Variants in FUT9 observed in about 807,000 individuals in gnomAD.
The protein encoded by FUT9 is fucosyltransferase 9, also known as 4-galactosyl-N-acetylglucosaminide 3-alpha-L-fucosyltransferase 9.
Under a neutral mutation model 29.7 loss-of-function variants are expected in FUT9, and 15 were observed. The ratio of observed to expected loss-of-function variants is 0.51; its 90% CI spans 0.34 to 0.78. FUT9 has a LOEUF of 0.78. FUT9 is among the 30% of genes least tolerant of loss of function. The pLI is 0.01. For synonymous variants in FUT9, 169 were observed against 153.7 expected (o/e 1.10, Z -0.74); for missense variants, 319 against 425.4 (o/e 0.75, Z 2.20).
intron 1 of FUT9, among the ~76,000 whole-genome samples, chr6:96,069,039 G>T (rs1001537500): frequency 6.6e-6 from 1 of 152,096 alleles, no homozygotes; most frequent in African/African-American, 2.4e-5. Flanking sequence ...ATCATTGACC[G>T]GGCGCAGTGG....
At chr6:96,096,709 T>TGTGTGTGTGTGTGTGTGTGTGTG (rs1771502263) in intron 1 of FUT9, among the ~76,000 whole-genome samples, 1 of 151,824 alleles carries the variant, frequency 6.6e-6, no homozygotes, top group Admixed American at 6.6e-5. Flanking sequence ...TGTGTGTGTC[T>TGTGTGTGTGTGTGTGTGTGTGTG]TATTCTTTCA....
intron 2 of FUT9, among the ~76,000 whole-genome samples, chr6:96,116,881 A>G (rs1166661311): frequency 6.6e-6 from 1 of 152,120 alleles, no homozygotes; most frequent in Non-Finnish European, 1.5e-5. Context: ...GTGCTGAAAA[A>G]ATTACTGTGC....
chr6:96,127,031 GT>G (rs1190951807), intron 2 of FUT9, among the ~76,000 whole-genome samples: 3 of 152,024 alleles, frequency 2.0e-5, no homozygotes, highest in Admixed American at 2.0e-4. Flanking sequence ...AAAAACTACT[GT>G]TTTTTTAAAC....
At chr6:96,138,978 T>A (rs1772410926) in intron 2 of FUT9, among the ~76,000 whole-genome samples, 2 of 152,084 alleles carry the variant, frequency 1.3e-5, no homozygotes, top group Admixed American at 6.5e-5. Flanking sequence ...ATACAGATAA[T>A]GCAAATCTCA....
chr6:96,194,253 A>G (rs1337781278), intron 2 of FUT9, among the ~76,000 whole-genome samples: 1 of 152,158 alleles, frequency 6.6e-6, no homozygotes, highest in African/African-American at 2.4e-5. Flanking sequence ...GGGCTCGCCA[A>G]AGCATGTTGC....
chr6:96,157,668 T>A (rs1013036268), intron 2 of FUT9, among the ~76,000 whole-genome samples: 4 of 152,150 alleles, frequency 2.6e-5, no homozygotes, highest in Non-Finnish European at 5.9e-5. Flanking sequence ...TAAAACTAAT[T>A]CAGTTAATGA....
rs1013858503 is a variant in FUT9, at chr6:96,203,266, C to A, written c.111C>A (p.Ile37=). Residue 37 remains isoleucine, a synonymous_variant, in exon 3 of 3, where the codon ATC becomes ATA. Transcript: ENST00000302103. Reference sequence around the variant, plus strand: ...ACATCAAACCTACCAACAGCTGGATCTTCAGTCCAATGGAATCAGCCAGCT... The same window carrying A: ...ACATCAAACCTACCAACAGCTGGATATTCAGTCCAATGGAATCAGCCAGCT... ...LIYIKPTNSW[I]FSPMESASSV... The A allele has an allele frequency of 6.2e-7, 1 of 1,613,888 alleles. No homozygotes were observed. Among genetic ancestry groups the A allele is most frequent in the East Asian group, 2.2e-5 (1 of 44,866 alleles).
At chr6:96,080,280 T>A (rs891952315) in intron 1 of FUT9, among the ~76,000 whole-genome samples, 2 of 151,968 alleles carry the variant, frequency 1.3e-5, no homozygotes, top group South Asian at 4.1e-4. Context: ...TGTAAGAGGA[T>A]ATAAAAGTGT....
intron 2 of FUT9, among the ~76,000 whole-genome samples, chr6:96,188,105 G>A (rs1466486923): frequency 6.6e-6 from 1 of 152,120 alleles, no homozygotes; most frequent in Non-Finnish European, 1.5e-5. Context: ...CTTCCAGAAA[G>A]AGAACAGACA....
At chr6:96,115,820 G>T (rs982017239) in intron 2 of FUT9, among the ~76,000 whole-genome samples, 5 of 152,134 alleles carry the variant, frequency 3.3e-5, no homozygotes, top group African/African-American at 4.8e-5. Flanking sequence ...TTATAGAGAA[G>T]AAAATATACC....
At chr6:96,147,715 T>C (rs976833469) in intron 2 of FUT9, among the ~76,000 whole-genome samples, 1 of 151,738 alleles carries the variant, frequency 6.6e-6, no homozygotes, top group Non-Finnish European at 1.5e-5. Flanking sequence ...TCTGTGCTAA[T>C]TGAATGATGA....
At chr6:96,146,945 T>C (rs559750202) in intron 2 of FUT9, among the ~76,000 whole-genome samples, 2 of 152,166 alleles carry the variant, frequency 1.3e-5, no homozygotes, top group Admixed American at 1.3e-4. Flanking sequence ...TTTAGCTCCT[T>C]TATTATATCA....
chr6:96,093,735 A>C (rs935114764), intron 1 of FUT9, among the ~76,000 whole-genome samples: 1 of 152,140 alleles, frequency 6.6e-6, no homozygotes, highest in Non-Finnish European at 1.5e-5. Context: ...CCACATACAC[A>C]CACAAAATGA....
intron 2 of FUT9, among the ~76,000 whole-genome samples, chr6:96,184,553 T>G (rs188528777): frequency 6.6e-6 from 1 of 152,106 alleles, no homozygotes; most frequent in African/African-American, 2.4e-5. Context: ...AGATTTACTG[T>G]TTGTGCTCTT....
chr6:96,113,534 C>T (rs1013019247), intron 1 of FUT9, among the ~76,000 whole-genome samples: 22 of 151,556 alleles, frequency 1.5e-4, no homozygotes, highest in Admixed American at 3.9e-4. Context: ...ACATTGCGCC[C>T]GACCATCAAT....
intron 2 of FUT9, among the ~76,000 whole-genome samples, chr6:96,134,005 G>A (rs1772300386): frequency 6.6e-6 from 1 of 150,600 alleles, no homozygotes. Context: ...TTCTTTTTTT[G>A]ACTCCTAAGT....
chr6:96,207,311 C>T lies in FUT9; in HGVS notation c.*3076C>T, dbSNP rs549455624. ...AAGGATCCTATCTTTCTTTATCCCACTTTCTTTTCAATCGCATTCATAACT... is the reference window on the plus strand; with the variant it reads ...AAGGATCCTATCTTTCTTTATCCCATTTTCTTTTCAATCGCATTCATAACT... On this transcript the variant is annotated 3_prime_UTR_variant, in exon 3 of 3. Coordinates refer to ENST00000302103, the MANE Select transcript of FUT9 (RefSeq NM_006581.4). 1 of 167,080 alleles carries T rather than the reference C, an allele frequency of 6.0e-6. No homozygotes were observed. The highest frequency in any genetic ancestry group is 2.1e-4 in the South Asian group (1 of 4,820). The allele number at this position is 167,080 out of a possible 1,614,324, so 10.3% of individuals were successfully genotyped here. A position where few individuals can be genotyped will look rare whatever the true frequency, so the allele number is the denominator to read the frequency against.
chr6:96,157,028 A>G (rs1772798289), intron 2 of FUT9, among the ~76,000 whole-genome samples: 1 of 152,228 alleles, frequency 6.6e-6, no homozygotes, highest in Non-Finnish European at 1.5e-5. Context: ...TAGATGAAAG[A>G]GAAAGAAATA....
chr6:96,182,824 GC>G (rs1773333837), intron 2 of FUT9, among the ~76,000 whole-genome samples: 1 of 152,016 alleles, frequency 6.6e-6, no homozygotes, highest in African/African-American at 2.4e-5. Flanking sequence ...CCAGTACCAG[GC>G]TGTTCTGGTG....
Sources: gnomAD v4.1 joint callset for allele counts (sites outside exome capture counted in the v4.1 genomes callset) on GRCh38, gnomAD v4.1.1 for gene constraint, MANE v1.5 for transcripts, NCBI Gene and HGNC (gene_info 2026-07-23, HGNC 2026-07-21) for gene names.